The following TTC28 variants were observed in gnomAD, a reference collection of about 807,000 sequenced individuals.
TTC28 encodes the protein tetratricopeptide repeat domain 28, also known as tetratricopeptide repeat protein 28.
A neutral mutation model predicts 198.0 loss-of-function variants in TTC28; 61 were observed. The observed-to-expected ratio is 0.31, with a 90% CI of 0.25 to 0.38. The LOEUF (loss-of-function observed/expected upper bound fraction) is 0.38. TTC28 is among the 10% of genes least tolerant of loss of function. The pLI, the probability that TTC28 is intolerant of heterozygous loss-of-function variation, is 1.00. For missense variants in TTC28, 2,678 were observed against 3,164.0 expected, an observed-to-expected ratio of 0.85 and a Z score of 3.69; for synonymous variants, 1,171 against 1,297.8, an observed-to-expected ratio of 0.90 and a Z score of 2.10.
intron 1 of TTC28, among the ~76,000 whole-genome samples, chr22:28,636,911 T>C (rs2146224603): frequency 6.6e-6 from 1 of 152,188 alleles, no homozygotes; most frequent in African/African-American, 2.4e-5. Context: ...CCTAGTTTTT[T>C]GGTGTCACAT....
At chr22:28,431,775 C>T (rs988971258) in intron 2 of TTC28, among the ~76,000 whole-genome samples, 8 of 151,534 alleles carry the variant, frequency 5.3e-5, no homozygotes, top group African/African-American at 7.3e-5. Flanking sequence ...GCCAGGAGTT[C>T]GAGACCTGCC....
intron 11 of TTC28, 84 bp from the exon 12 acceptor site, chr22:28,094,329 A>G (rs1941906736): frequency 1.5e-6 from 2 of 1,373,370 alleles, no homozygotes; most frequent in Non-Finnish European, 9.6e-7. Context: ...AGGAATGCCA[A>G]TGGTATGTGA....
chr22:28,513,581 G>A lies in TTC28; in HGVS notation c.381+115971C>T, dbSNP rs74458763. 8.6e-3 allele frequency among the ~76,000 whole-genome samples: 1,308 copies of A among 152,148 alleles called. 17 individuals are homozygous for A. Among genetic ancestry groups the A allele is most frequent in the African/African-American group, 0.03 (1,237 of 41,504 alleles). ...TGGCACCACTGCACTCCAGCCTGGG[G>A]AATAGAATGATACCTGTCTCTAAAT... On this transcript the variant is annotated intron_variant, in intron 2 of 22. Coordinates refer to ENST00000397906, the MANE Select transcript of TTC28 (RefSeq NM_001145418.2).
At chr22:28,297,485 CGAT>C in intron 4 of TTC28, 92 bp downstream of exon 4, 2 of 1,394,046 alleles carry the variant, frequency 1.4e-6, no homozygotes, top group Non-Finnish European at 1.9e-6. Flanking sequence ...AGCAACCAGG[CGAT>C]CACTTTTCAT....
At chr22:28,023,446 C>T (rs1308248280) in intron 13 of TTC28, among the ~76,000 whole-genome samples, 1 of 152,234 alleles carries the variant, frequency 6.6e-6, no homozygotes, top group Admixed American at 6.5e-5. Context: ...TTGGGGTGGG[C>T]TTCTCAAGTG....
At chr22:28,386,185 G>C (rs2046582849) in intron 2 of TTC28, among the ~76,000 whole-genome samples, 1 of 145,418 alleles carries the variant, frequency 6.9e-6, no homozygotes, top group Non-Finnish European at 1.5e-5. Flanking sequence ...TGAGGCAGGA[G>C]AATGGCGTGA....
intron 2 of TTC28, among the ~76,000 whole-genome samples, chr22:28,428,119 G>A (rs534004078): frequency 3.4e-5 from 5 of 146,806 alleles, no homozygotes; most frequent in East Asian, 2.0e-4. Context: ...ACATCGTACC[G>A]TAAGACAAAA....
intron 12 of TTC28, among the ~76,000 whole-genome samples, chr22:28,063,821 C>A (rs1481049430): frequency 6.6e-6 from 1 of 151,914 alleles, no homozygotes; most frequent in Admixed American, 6.6e-5. Flanking sequence ...GCAAAAGCCA[C>A]GAGGTAGGCG....
At chr22:28,128,225 G>C (rs1476985445) in intron 6 of TTC28, among the ~76,000 whole-genome samples, 1 of 152,096 alleles carries the variant, frequency 6.6e-6, no homozygotes, top group East Asian at 1.9e-4. Context: ...AGCTGAGGCA[G>C]GAAAATTGCT....
At chr22:28,047,840 A>T (rs905135576) in intron 12 of TTC28, among the ~76,000 whole-genome samples, 6 of 152,190 alleles carry the variant, frequency 3.9e-5, no homozygotes, top group African/African-American at 1.4e-4. Context: ...AGTTGATAAC[A>T]AGAGTATATC....
At chr22:28,641,289 AC>A (rs939835530) in intron 1 of TTC28, among the ~76,000 whole-genome samples, 24 of 151,700 alleles carry the variant, frequency 1.6e-4, no homozygotes, top group African/African-American at 5.1e-4. Flanking sequence ...GCACCACTAC[AC>A]TCCAGCCTGG....
At chr22:28,041,215 A>C (rs1236861513) in intron 12 of TTC28, among the ~76,000 whole-genome samples, 1 of 152,234 alleles carries the variant, frequency 6.6e-6, no homozygotes, top group Non-Finnish European at 1.5e-5. Flanking sequence ...CTTTCTTCAC[A>C]GAATTGGAAA....
intron 5 of TTC28, among the ~76,000 whole-genome samples, chr22:28,180,430 C>T (rs1275496456): frequency 1.3e-5 from 2 of 152,166 alleles, no homozygotes; most frequent in South Asian, 2.1e-4. Context: ...GTGCTTCCAC[C>T]GAGCAGCTAC....
chr22:28,239,890 C>A (rs1283904868), intron 5 of TTC28, among the ~76,000 whole-genome samples: 4 of 152,184 alleles, frequency 2.6e-5, no homozygotes, highest in African/African-American at 9.7e-5. Context: ...TTTAGACTTA[C>A]CTCTCATTCC....
chr22:28,522,488 CAA>C (rs1258320862), intron 2 of TTC28, among the ~76,000 whole-genome samples: 2 of 66,214 alleles, frequency 3.0e-5, no homozygotes, highest in Admixed American at 3.4e-4. Context: ...AACTCCGTCT[CAA>C]AAAAAAAAAA....
At chr22:28,333,940 T>A (rs2045659445) in intron 2 of TTC28, among the ~76,000 whole-genome samples, 1 of 152,106 alleles carries the variant, frequency 6.6e-6, no homozygotes, top group East Asian at 1.9e-4. Flanking sequence ...CATGCTGGTG[T>A]GCTGTACCCA....
intron 2 of TTC28, among the ~76,000 whole-genome samples, chr22:28,577,324 C>A (rs2050166453): frequency 6.6e-6 from 1 of 152,014 alleles, no homozygotes; most frequent in African/African-American, 2.4e-5. Flanking sequence ...CCATTGTGCT[C>A]AGAGAAGATA....
intron 2 of TTC28, among the ~76,000 whole-genome samples, chr22:28,374,668 A>AT (rs963699244): frequency 1.3e-5 from 2 of 152,024 alleles, no homozygotes; most frequent in African/African-American, 4.8e-5. Context: ...ATATACAAAT[A>AT]TTAAGTTTTT....
At chr22:28,554,882 A>C (rs1412081702) in intron 2 of TTC28, among the ~76,000 whole-genome samples, 2 of 151,854 alleles carry the variant, frequency 1.3e-5, no homozygotes, top group African/African-American at 4.9e-5. Context: ...TAAAAGGAAA[A>C]AAAAAGAAAG....
Sources: gnomAD v4.1 joint callset for allele counts (sites outside exome capture counted in the v4.1 genomes callset) on GRCh38, gnomAD v4.1.1 for gene constraint, MANE v1.5 for transcripts, NCBI Gene and HGNC (gene_info 2026-07-23, HGNC 2026-07-21) for gene names.